Variants in MRPS15 observed in about 807,000 individuals in gnomAD.
The protein encoded by MRPS15 is small ribosomal subunit protein uS15m.
MRPS15 carries 25 observed loss-of-function variants against 30.7 expected under a neutral mutation model. The ratio of observed to expected loss-of-function variants is 0.81; its 90% CI spans 0.59 to 1.14. MRPS15 has a LOEUF of 1.14. Among genes scored for constraint, MRPS15 ranks in the 50% most tolerant of loss-of-function variants. The pLI is 0.00. For missense variants in MRPS15, 313 were observed against 321.7 expected (o/e 0.97, Z 0.21); for synonymous variants, 124 against 120.1 (o/e 1.03, Z -0.21).
At position 36,458,600 on chromosome 1, in the gene MRPS15, G is replaced by A. The variant is rs994704633; in HGVS notation, c.386-619C>T. 6.6e-6 allele frequency: 1 copy of A among 152,440 alleles called. No individual in the cohort carries two copies. The highest frequency in any genetic ancestry group is 2.4e-5 in the African/African-American group (1 of 41,456). 9.4% of individuals were successfully genotyped at this position (152,440 alleles called of 1,614,324 possible). On this transcript the variant is annotated intron_variant, in intron 5 of 7. Coordinates refer to ENST00000373116, the MANE Select transcript of MRPS15 (RefSeq NM_031280.4). The surrounding 1 kb of genome is among the most constrained non-coding windows in gnomAD (Gnocchi z 4.5). ...TAGACCAGGATACAGTGCTATCATG[G>A]TTAACAATTCAACATTGTATTAGAG...
At chr1:36,463,156 G>A (rs577632414) in intron 2 of MRPS15, among the ~76,000 whole-genome samples, 2 of 150,264 alleles carry the variant, frequency 1.3e-5, no homozygotes, top group African/African-American at 4.9e-5. Flanking sequence ...TAGTAGAGAC[G>A]AGGTTTCACC....
intron 1 of MRPS15, 68 bp from the exon 2 acceptor site, chr1:36,463,918 C>T: frequency 6.4e-7 from 1 of 1,557,442 alleles, no homozygotes; most frequent in Non-Finnish European, 8.7e-7. Flanking sequence ...CTTTCTGTGC[C>T]CCTCGCATTG....
intron 2 of MRPS15, 46 bp from the exon 3 acceptor site, chr1:36,462,209 G>C: frequency 1.4e-6 from 2 of 1,457,010 alleles, no homozygotes; most frequent in Non-Finnish European, 1.9e-6. Flanking sequence ...GTCAACTCTC[G>C]CTGCCCACCC....
At position 36,455,891 on chromosome 1, in the gene MRPS15, C is replaced by T; in HGVS notation, c.671G>A (p.Arg224Lys). Residue 224 changes from arginine to lysine, a missense_variant, in exon 8 of 8, where the codon AGA becomes AAA. By Grantham distance (26) the Arg-to-Lys change is conservative (BLOSUM62 2). Coordinates refer to ENST00000373116, the MANE Select transcript of MRPS15 (RefSeq NM_031280.4). Reference sequence around the variant, plus strand: ...TGCTGCTGCAGCCTTTAAGGCTCTTCTTCGCTTCTTCAGCTTTTGAGTCTC... The same window carrying T: ...TGCTGCTGCAGCCTTTAAGGCTCTTTTTCGCTTCTTCAGCTTTTGAGTCTC... ...FQETQKLKKR[R>K]RALKAAAAAQ... is the part of the protein sequence containing the mutation. The T allele has an allele frequency of 1.2e-6, 2 of 1,613,974 alleles. No homozygotes were observed. The highest frequency in any genetic ancestry group is 1.1e-5 in the South Asian group (1 of 91,070).
Position 36,461,314 on chromosome 1 carries a change from T to C in MRPS15, c.252-2A>G. 6.2e-7 allele frequency: 1 copy of C among 1,614,078 alleles called. No homozygotes were observed. Among genetic ancestry groups the C allele is most frequent in the Non-Finnish European group, 8.5e-7 (1 of 1,179,928 alleles). On this transcript the variant is annotated splice_acceptor_variant, in intron 3 of 7. Transcript: ENST00000373116. LOFTEE classifies it high-confidence loss of function. Reference sequence around the variant, plus strand: ...AGTCTTTTCACGACATCATCAACCCTGTGGATAAACCACAGCAATGAGACA... The same window carrying C: ...AGTCTTTTCACGACATCATCAACCCCGTGGATAAACCACAGCAATGAGACA...
intron 5 of MRPS15, 93 bp downstream of exon 5, chr1:36,460,599 C>A (rs1009109115): frequency 9.5e-6 from 9 of 950,308 alleles, no homozygotes; most frequent in Admixed American, 7.2e-5. Context: ...CTTTCCCCAG[C>A]CCATGTGCAT....
At chr1:36,462,233 T>A in intron 2 of MRPS15, 70 bp from the exon 3 acceptor site, 1 of 1,169,372 alleles carries the variant, frequency 8.6e-7, no homozygotes, top group Non-Finnish European at 1.3e-6. Flanking sequence ...CAGACCTGGC[T>A]CTTTTCACCC....
In MRPS15 at chr1:36,456,517, TATC is replaced by T. The variant is rs558529246; in HGVS notation, c.445-142_445-140del. On this transcript the variant is annotated intron_variant, in intron 6 of 7. Coordinates refer to ENST00000373116, the MANE Select transcript of MRPS15 (RefSeq NM_031280.4). ...ATTAATGCAATTCTGAAGGAGGTAT[TATC>T]ATTGTTATTCCCATTTTACAGATGA... 17 of 778,528 alleles carry T rather than the reference TATC, an allele frequency of 2.2e-5. 1 individual carries two copies. Among genetic ancestry groups the T allele is most frequent in the South Asian group, 1.9e-4 (9 of 48,476 alleles). The allele number at this position is 778,528 out of a possible 1,614,324, so 48.2% of individuals were successfully genotyped here.
chr1:36,456,068 C>T lies in MRPS15; in HGVS notation c.636+119G>A, dbSNP rs554797906. On this transcript the variant is annotated intron_variant, in intron 7 of 7. Transcript: ENST00000373116. Reference sequence around the variant, plus strand: ...TTGGTGGCCTGTGACCTCCCTGGATCCATTCCAGGGCCTGGGGCCAGTTCC... The same window carrying T: ...TTGGTGGCCTGTGACCTCCCTGGATTCATTCCAGGGCCTGGGGCCAGTTCC... 1.4e-5 allele frequency: 20 copies of T among 1,461,588 alleles called. No individual in the cohort carries two copies. The South Asian group carries it at 2.2e-4, about 16-fold the overall frequency. 90.5% of individuals were successfully genotyped at this position (1,461,588 alleles called of 1,614,324 possible). A position where few individuals can be genotyped will look rare whatever the true frequency, so the allele number is the denominator to read the frequency against.
chr1:36,461,202 G>A (rs1420815138), intron 4 of MRPS15, 62 bp downstream of exon 4: 16 of 1,499,190 alleles, frequency 1.1e-5, no homozygotes, highest in Admixed American at 1.7e-5. Flanking sequence ...TGCTAATCAG[G>A]GTAGAAGGGA....
At chr1:36,457,781 A>G in intron 6 of MRPS15, 142 bp downstream of exon 6, 1 of 736,252 alleles carries the variant, frequency 1.4e-6, no homozygotes, top group South Asian at 1.7e-5. Flanking sequence ...ATGGCCTTGT[A>G]AGGCTCCAAG....
At position 36,464,285 on chromosome 1, in the gene MRPS15, T is replaced by C. The variant is rs1650168073; in HGVS notation, c.-10A>G. On this transcript the variant is annotated 5_prime_UTR_variant, in exon 1 of 8. Transcript: ENST00000373116. ...ACGCGACCCTCAGCATGGTGACCTC[T>C]AACCCCCGCGGGGCCCGCGCCGCGG... 1.2e-6 allele frequency: 2 copies of C among 1,604,382 alleles called. No individual in the cohort carries two copies. Among genetic ancestry groups the C allele is most frequent in the Admixed American group, 1.7e-5 (1 of 57,646 alleles).
At chr1:36,460,470 G>T (rs1650073057) in intron 5 of MRPS15, among the ~76,000 whole-genome samples, 1 of 152,132 alleles carries the variant, frequency 6.6e-6, no homozygotes, top group Admixed American at 6.5e-5. Flanking sequence ...TCCAAGAGAG[G>T]GTTGGTGACT....
chr1:36,456,030 T>C (rs1649986923), intron 7 of MRPS15, 105 bp from the exon 8 acceptor site: 1 of 1,505,502 alleles, frequency 6.6e-7, no homozygotes, highest in African/African-American at 1.4e-5. Flanking sequence ...AACCCCAGCC[T>C]TTCTCCATGG....
chr1:36,456,596 T>C, intron 6 of MRPS15: 1 of 512,060 alleles, frequency 2.0e-6, no homozygotes, highest in Non-Finnish European at 3.4e-6. Context: ...TCTTTAGAAC[T>C]GTGAGTGCTG....
At chr1:36,463,468 A>G (rs190733488) in intron 2 of MRPS15, among the ~76,000 whole-genome samples, 2 of 152,292 alleles carry the variant, frequency 1.3e-5, no homozygotes, top group East Asian at 3.9e-4. Context: ...TACTATGCAT[A>G]CTGAGTTGCA....
chr1:36,459,317 C>G (rs1650051960), intron 5 of MRPS15: 1 of 151,384 alleles, frequency 6.6e-6, no homozygotes, highest in African/African-American at 2.4e-5. Context: ...TTGCTGGAGC[C>G]CCAGAAGTTG....
At position 36,460,822 on chromosome 1, in the gene MRPS15, C is replaced by G. The variant is rs150126875; in HGVS notation, c.301-46G>C. The G allele has an allele frequency of 1.0e-3, 1,513 of 1,515,248 alleles. 15 individuals are homozygous for G. The East Asian group carries it at 0.025, about 25-fold the overall frequency. 93.9% of individuals were successfully genotyped at this position (1,515,248 alleles called of 1,614,324 possible). A position where few individuals can be genotyped will look rare whatever the true frequency, so the allele number is the denominator to read the frequency against. The stretch of plus-strand genomic sequence containing the variant: ...GAAAATCTGTGGAGTCTGCCACCCT[C>G]TAAGAACTAGCCCTCCTCCCCCCAA... On this transcript the variant is annotated intron_variant, in intron 4 of 7. Transcript: ENST00000373116.
At chr1:36,461,088 A>G (rs1650089652) in intron 4 of MRPS15, among the ~76,000 whole-genome samples, 176 bp downstream of exon 4, 1 of 152,222 alleles carries the variant, frequency 6.6e-6, no homozygotes, top group South Asian at 2.1e-4. Context: ...GTGGGGGAAC[A>G]AAAGTGTCCC....
Sources: gnomAD v4.1 joint callset for allele counts (sites outside exome capture counted in the v4.1 genomes callset) on GRCh38, gnomAD v4.1.1 for gene constraint, Gnocchi (gnomAD v3.1) non-coding constraint, MANE v1.5 for transcripts, NCBI Gene and HGNC (gene_info 2026-07-23, HGNC 2026-07-21) for gene names.